Variants in SPON1 observed in about 807,000 individuals in gnomAD.
SPON1 encodes spondin 1.
Under a neutral mutation model 111.7 loss-of-function variants are expected in SPON1, and 52 were observed. The ratio of observed to expected loss-of-function variants is 0.47; its 90% confidence interval spans 0.37 to 0.59. The LOEUF (loss-of-function observed/expected upper bound fraction) is 0.59, where lower values mean the gene tolerates loss of function less well. Ranked by LOEUF, SPON1 falls within the 20% of genes least tolerant of loss-of-function variation. The pLI, the probability that SPON1 is intolerant of heterozygous loss-of-function variation, is 0.00. For missense variants in SPON1, 957 were observed against 1,068.5 expected (o/e 0.90, Z 1.46); for synonymous variants, 410 against 395.8 (o/e 1.04, Z -0.43).
intron 3 of SPON1, among the ~76,000 whole-genome samples, chr11:14,071,651 G>A (rs1198727390): frequency 1.3e-5 from 2 of 152,134 alleles, no homozygotes; most frequent in African/African-American, 4.8e-5. Context: ...ATCTAGCACA[G>A]GAGACTGAAA....
chr11:14,114,741 C>G (rs1032311008), intron 5 of SPON1, among the ~76,000 whole-genome samples: 1 of 152,182 alleles, frequency 6.6e-6, no homozygotes, highest in African/African-American at 2.4e-5. Context: ...CTGTGGCTAT[C>G]CTATCACGGC....
At chr11:14,257,347 G>C (rs1004101024) in intron 10 of SPON1, among the ~76,000 whole-genome samples, 1 of 152,192 alleles carries the variant, frequency 6.6e-6, no homozygotes, top group Non-Finnish European at 1.5e-5. Flanking sequence ...CTGTGTATGG[G>C]ATCATTGGGA....
At chr11:14,007,767 C>T (rs2697854) in intron 2 of SPON1, among the ~76,000 whole-genome samples, 98,166 of 151,874 alleles carry the variant, frequency 0.65, 31,987 homozygotes, top group African/African-American at 0.71. Flanking sequence ...AGACTGGGGG[C>T]TGGGGACTCC....
intron 2 of SPON1, among the ~76,000 whole-genome samples, chr11:13,986,032 C>G (rs145186899): frequency 2.1e-3 from 316 of 152,316 alleles, no homozygotes; most frequent in African/African-American, 7.2e-3. Flanking sequence ...AAGCTGTTAT[C>G]TTTGGAGTCC....
intron 2 of SPON1, among the ~76,000 whole-genome samples, chr11:14,000,403 T>G (rs76602939): frequency 6.6e-6 from 1 of 152,300 alleles, no homozygotes; most frequent in East Asian, 1.9e-4. Flanking sequence ...GCCCCAGACA[T>G]GTTATATGCT....
At chr11:14,074,446 G>T (rs1848900727) in intron 3 of SPON1, among the ~76,000 whole-genome samples, 1 of 152,208 alleles carries the variant, frequency 6.6e-6, no homozygotes, top group African/African-American at 2.4e-5. Flanking sequence ...AGTGTGGTCA[G>T]CTATAATACA....
intron 5 of SPON1, among the ~76,000 whole-genome samples, chr11:14,085,651 G>A (rs898463445): frequency 1.6e-4 from 25 of 152,230 alleles, no homozygotes; most frequent in East Asian, 1.9e-4. Context: ...AGTTCCATAC[G>A]AAATTTAAAG....
chr11:14,165,195 A>G (rs1233183655), intron 6 of SPON1, among the ~76,000 whole-genome samples: 1 of 152,102 alleles, frequency 6.6e-6, no homozygotes, highest in Non-Finnish European at 1.5e-5. Context: ...ATGAACAAGG[A>G]CAGCTTGGAG....
At chr11:14,103,683 G>C (rs1849163053) in intron 5 of SPON1, among the ~76,000 whole-genome samples, 1 of 152,198 alleles carries the variant, frequency 6.6e-6, no homozygotes, top group East Asian at 1.9e-4. Context: ...TGAATTTAGA[G>C]GATGAGGAGC....
chr11:14,197,383 C>A (rs1554935187), intron 6 of SPON1, among the ~76,000 whole-genome samples: 1 of 151,842 alleles, frequency 6.6e-6, no homozygotes, highest in Non-Finnish European at 1.5e-5. Context: ...AAGCACAGGA[C>A]TAAATTTAAG....
chr11:14,073,771 T>G (rs1009247370), intron 3 of SPON1, among the ~76,000 whole-genome samples: 3 of 152,240 alleles, frequency 2.0e-5, no homozygotes, highest in Admixed American at 2.0e-4. Flanking sequence ...GAATGGGTAG[T>G]GTGGCCCCAT....
intron 8 of SPON1, among the ~76,000 whole-genome samples, chr11:14,255,226 G>A (rs909450721): frequency 1.3e-5 from 2 of 152,146 alleles, no homozygotes; most frequent in East Asian, 1.9e-4. Flanking sequence ...TATTATCTGC[G>A]GCTGTTTTCT....
At chr11:14,064,244 AAT>A in intron 3 of SPON1, among the ~76,000 whole-genome samples, 1 of 152,378 alleles carries the variant, frequency 6.6e-6, no homozygotes. Flanking sequence ...ATCAAAGGAT[AAT>A]ACAAGATATT....
intron 5 of SPON1, among the ~76,000 whole-genome samples, chr11:14,133,091 T>A (rs1847545695): frequency 2.0e-5 from 3 of 152,298 alleles, no homozygotes; most frequent in African/African-American, 7.2e-5. Context: ...TTTTTTGTTG[T>A]TGCTTTTTGT....
At chr11:14,240,467 A>G (rs1233782968) in intron 6 of SPON1, among the ~76,000 whole-genome samples, 1 of 152,242 alleles carries the variant, frequency 6.6e-6, no homozygotes, top group Non-Finnish European at 1.5e-5. Context: ...TGGTCCCACC[A>G]TCCTTGGAGC....
chr11:14,064,303 A>C (rs1554920161), intron 3 of SPON1, among the ~76,000 whole-genome samples: 2 of 152,256 alleles, frequency 1.3e-5, no homozygotes, highest in Non-Finnish European at 2.9e-5. Context: ...CCTGAATGCC[A>C]AATGAACAGT....
rs1319378478 is a variant in SPON1, at chr11:13,962,960, TGGCGCTGCCCCTGGCCGC to T, written c.64_81del (p.Pro22_Leu27del). On this transcript the variant is annotated inframe_deletion, in exon 1 of 16. Transcript: ENST00000576479. ...AGCCGGACTCCGGCACTGCTGGCCC[TGGCGCTGCCCCTGGCCGC>T]GGCGCTGGCCTTCTCCGACGAGACC... 2.5e-6 allele frequency: 4 copies of T among 1,589,914 alleles called. No individual in the cohort carries two copies. The highest frequency in any genetic ancestry group is 1.1e-5 in the South Asian group (1 of 87,096).
rs574555384 is a variant in SPON1 at position 14,233,121 on chromosome 11, C to T, written c.826-10211C>T. Among the ~76,000 whole-genome samples, 14 of 152,246 alleles carry T rather than the reference C, an allele frequency of 9.2e-5. No homozygotes were observed. In the South Asian group the frequency reaches 1.0e-3, roughly 11 times the overall value. On this transcript the variant is annotated intron_variant, in intron 6 of 15. Transcript: ENST00000576479. Reference sequence around the variant, plus strand: ...CTCTATGCTGATGACTTGGAGTTTACGTCTCCAGCCTGGACTTCTCCGTTG... The same window carrying T: ...CTCTATGCTGATGACTTGGAGTTTATGTCTCCAGCCTGGACTTCTCCGTTG...
chr11:14,055,621 T>C (rs1848739406), intron 3 of SPON1, among the ~76,000 whole-genome samples: 1 of 152,240 alleles, frequency 6.6e-6, no homozygotes, highest in African/African-American at 2.4e-5. Flanking sequence ...TGCTTGTTGC[T>C]TGCCACCTTG....
Sources: gnomAD v4.1 joint callset for allele counts (sites outside exome capture counted in the v4.1 genomes callset) on GRCh38, gnomAD v4.1.1 for gene constraint, MANE v1.5 for transcripts, NCBI Gene and HGNC (gene_info 2026-07-23, HGNC 2026-07-21) for gene names.